The following NRAP variants were observed in gnomAD, a reference collection of about 807,000 sequenced individuals.
The protein encoded by NRAP is nebulin related anchoring protein.
A neutral mutation model predicts 225.9 loss-of-function variants in NRAP; 189 were observed. The observed-to-expected ratio is 0.84, with a 90% CI of 0.74 to 0.94. The LOEUF (loss-of-function observed/expected upper bound fraction) is 0.94. Ranked by LOEUF, NRAP falls within the 40% of genes least tolerant of loss-of-function variation. The probability of loss-of-function intolerance (pLI) is 0.00; values close to 1 mark genes in which losing one functional copy is unlikely to be tolerated. For synonymous variants in NRAP, 769 were observed against 790.7 expected (o/e 0.97, Z 0.46); for missense variants, 2,176 against 2,168.7 (o/e 1.00, Z -0.07).
chr10:113,661,704 T>G (rs192120386), intron 3 of NRAP, among the ~76,000 whole-genome samples: 170 of 152,300 alleles, frequency 1.1e-3, no homozygotes, highest in African/African-American at 3.8e-3. Flanking sequence ...GAGGTTGGAT[T>G]TGGCAATGTG....
intron 13 of NRAP, among the ~76,000 whole-genome samples, chr10:113,640,978 A>G (rs535492666): frequency 6.6e-6 from 1 of 152,326 alleles, no homozygotes; most frequent in South Asian, 2.1e-4. Flanking sequence ...TGAAGGAACA[A>G]ACCAGCTTAC....
intron 11 of NRAP, 49 bp downstream of exon 11, chr10:113,645,776 G>T: frequency 1.1e-6 from 1 of 938,118 alleles, no homozygotes; most frequent in Non-Finnish European, 1.7e-6. Context: ...CTGACTATAG[G>T]AGATAAAAGA....
intron 35 of NRAP, among the ~76,000 whole-genome samples, chr10:113,598,687 A>G (rs552936276): frequency 6.6e-6 from 1 of 152,318 alleles, no homozygotes; most frequent in South Asian, 2.1e-4. Context: ...CAATTATAGC[A>G]TGACTTTAAA....
intron 6 of NRAP, among the ~76,000 whole-genome samples, 155 bp downstream of exon 6, chr10:113,652,780 C>T (rs188226664): frequency 2.6e-5 from 4 of 152,214 alleles, no homozygotes; most frequent in East Asian, 1.9e-4. Context: ...GAATACTTGA[C>T]GGGGAAAAGT....
In NRAP at chr10:113,604,915, G is replaced by A. The variant is rs1012777031; in HGVS notation, c.3921C>T (p.Leu1307=). ...RASGDIASDF[L]YRHDFVKERG... is the part of the protein sequence containing the mutation. Reference sequence around the variant, plus strand: ...GCTCCTTCACAAAGTCATGTCTGTAGAGAAACTGCAAGAAAGGGCTGGCCG... The same window carrying A: ...GCTCCTTCACAAAGTCATGTCTGTAAAGAAACTGCAAGAAAGGGCTGGCCG... The change falls in exon 35 of 42, where the codon CTC becomes CTT. Residue 1307 remains leucine, a synonymous_variant. Coordinates refer to ENST00000359988, the MANE Select transcript of NRAP (RefSeq NM_198060.4). The A allele has an allele frequency of 3.1e-6, 5 of 1,609,622 alleles. No individual in the cohort carries two copies. Among genetic ancestry groups the A allele is most frequent in the Non-Finnish European group, 2.5e-6 (3 of 1,176,692 alleles).
At chr10:113,614,481 C>T (rs1458323460) in intron 28 of NRAP, among the ~76,000 whole-genome samples, 185 bp from the exon 29 acceptor site, 3 of 152,168 alleles carry the variant, frequency 2.0e-5, no homozygotes, top group South Asian at 2.1e-4. Flanking sequence ...CTAAAGGGCT[C>T]GGCTGTGAAA....
chr10:113,634,355 A>G, intron 14 of NRAP, 145 bp from the exon 15 acceptor site: 1 of 623,720 alleles, frequency 1.6e-6, no homozygotes, highest in East Asian at 2.8e-5. Flanking sequence ...ACTGACAGAC[A>G]CTCCAAGCCC....
chr10:113,610,689 C>G (rs1475701271), intron 30 of NRAP, 126 bp from the exon 31 acceptor site: 1 of 623,730 alleles, frequency 1.6e-6, no homozygotes, highest in Admixed American at 2.4e-5. Context: ...AGGCTGAACC[C>G]GTCCCTCCGG....
chr10:113,650,241 T>C, intron 8 of NRAP, 100 bp from the exon 9 acceptor site: 1 of 854,638 alleles, frequency 1.2e-6, no homozygotes, highest in Non-Finnish European at 2.0e-6. Context: ...TTTTTCTGCT[T>C]GGATCTAGGG....
At chr10:113,623,748 C>T (rs906750471) in intron 22 of NRAP, 112 bp from the exon 23 acceptor site, 19 of 693,036 alleles carry the variant, frequency 2.7e-5, no homozygotes, top group Non-Finnish European at 4.6e-5. Flanking sequence ...CTGATTATTA[C>T]GTCCTTCTCT....
intron 17 of NRAP, 83 bp downstream of exon 17, chr10:113,631,774 G>A (rs1487954151): frequency 1.0e-6 from 1 of 954,220 alleles, no homozygotes; most frequent in East Asian, 2.4e-5. Flanking sequence ...AATGTTAAGA[G>A]TCATTATTTT....
intron 4 of NRAP, among the ~76,000 whole-genome samples, chr10:113,654,708 T>C (rs982974910): frequency 3.3e-5 from 5 of 152,042 alleles, no homozygotes; most frequent in Non-Finnish European, 7.4e-5. Context: ...GGCAGGAAGA[T>C]AGAATTTGAG....
intron 7 of NRAP, among the ~76,000 whole-genome samples, chr10:113,650,943 C>T (rs1451322518): frequency 2.0e-5 from 3 of 152,218 alleles, no homozygotes; most frequent in Non-Finnish European, 2.9e-5. Flanking sequence ...ATTTGTGCTT[C>T]AATGTCCCAT....
At chr10:113,627,141 A>G (rs1320325104) in intron 20 of NRAP, among the ~76,000 whole-genome samples, 2 of 152,326 alleles carry the variant, frequency 1.3e-5, no homozygotes, top group Non-Finnish European at 1.5e-5. Context: ...CCTTTAGGGG[A>G]AAAAAGTTCT....
At chr10:113,625,391 C>T (rs2134002871) in intron 21 of NRAP, among the ~76,000 whole-genome samples, 1 of 152,308 alleles carries the variant, frequency 6.6e-6, no homozygotes, top group Middle Eastern at 3.4e-3. Context: ...CATGCGTGGA[C>T]ATCTCCTCCA....
At chr10:113,641,833 G>T (rs12771278) in intron 12 of NRAP, among the ~76,000 whole-genome samples, 1 of 152,086 alleles carries the variant, frequency 6.6e-6, no homozygotes, top group Non-Finnish European at 1.5e-5. Context: ...CTATGCGGAC[G>T]TCACATGCAA....
At chr10:113,651,987 C>A in intron 6 of NRAP, 80 bp from the exon 7 acceptor site, 1 of 868,206 alleles carries the variant, frequency 1.2e-6, no homozygotes, top group East Asian at 2.5e-5. Flanking sequence ...TCTCCTAAAG[C>A]TGCACCATCA....
chr10:113,660,020 G>A (rs899022589), intron 3 of NRAP, among the ~76,000 whole-genome samples: 1 of 150,178 alleles, frequency 6.7e-6, no homozygotes, highest in African/African-American at 2.4e-5. Context: ...TGTCCCTGGT[G>A]GGCAAAAAGG....
Position 113,623,585 on chromosome 10 carries a change from G to A in NRAP, c.2401C>T (p.Arg801Cys), listed in dbSNP as rs753648973. The A allele has an allele frequency of 1.6e-5, 26 of 1,613,776 alleles. No homozygotes were observed. The highest frequency in any genetic ancestry group is 3.3e-5 in the Admixed American group (2 of 60,010). The change falls in exon 23 of 42, where the codon CGT becomes TGT. Residue 801 changes from arginine to cysteine, a missense_variant. Arg to Cys is a radical substitution (Grantham distance 180). Transcript: ENST00000359988. Reference protein sequence around the residue: ...ENQKAKGFELRLDSLTFLAAK... With the variant: ...ENQKAKGFELCLDSLTFLAAK... ...GCCAGGAAGGTCAAGGAATCAAGACGCAGCTCAAACCCTTTTGCTTTCTGG... is the reference window on the plus strand; with the variant it reads ...GCCAGGAAGGTCAAGGAATCAAGACACAGCTCAAACCCTTTTGCTTTCTGG...
Sources: gnomAD v4.1 joint callset for allele counts (sites outside exome capture counted in the v4.1 genomes callset) on GRCh38, gnomAD v4.1.1 for gene constraint, MANE v1.5 for transcripts, NCBI Gene and HGNC (gene_info 2026-07-23, HGNC 2026-07-21) for gene names.